CAST: variants seen among roughly 807,000 people sequenced by gnomAD.
The protein encoded by CAST is calpastatin.
Under a neutral mutation model 119.6 loss-of-function variants are expected in CAST, and 76 were observed. That is an observed-to-expected ratio of 0.64 (90% CI 0.53 to 0.77). The LOEUF (loss-of-function observed/expected upper bound fraction) is 0.77. CAST is among the 30% of genes least tolerant of loss of function. The pLI is 0.00. For synonymous variants in CAST, 319 were observed against 331.6 expected (o/e 0.96, Z 0.41); for missense variants, 953 against 946.5 (o/e 1.01, Z -0.09).
chr5:96,459,467 A>C, the CAST span, among the ~76,000 whole-genome samples: 7 of 152,206 alleles, frequency 4.6e-5, no homozygotes, highest in Non-Finnish European at 8.8e-5. Context: ...CATCAAGAGG[A>C]AAATTAATAT....
At chr5:96,259,678 G>C in the CAST span, among the ~76,000 whole-genome samples, 1 of 152,024 alleles carries the variant, frequency 6.6e-6, no homozygotes, top group Non-Finnish European at 1.5e-5. Flanking sequence ...GTGAATTTCT[G>C]TTCTTAAATG....
At chr5:96,294,521 A>T in the CAST span, among the ~76,000 whole-genome samples, 41,765 of 152,112 alleles carry the variant, frequency 0.27, 5,967 homozygotes, top group East Asian at 0.34. Flanking sequence ...GTCTACACAG[A>T]AGAAACACAT....
the CAST span, among the ~76,000 whole-genome samples, chr5:96,505,255 G>T: frequency 6.6e-5 from 10 of 152,278 alleles, no homozygotes; most frequent in East Asian, 1.2e-3. Context: ...CAATCTCAAA[G>T]AATAAATAAA....
the CAST span, among the ~76,000 whole-genome samples, chr5:95,994,071 G>A: frequency 1.3e-5 from 2 of 152,066 alleles, no homozygotes; most frequent in Admixed American, 1.3e-4. Context: ...TTGCAAGTGG[G>A]TCTGCAAAGT....
At chr5:96,311,739 C>CTT in the CAST span, among the ~76,000 whole-genome samples, 46 of 150,920 alleles carry the variant, frequency 3.0e-4, 1 homozygote, top group East Asian at 8.7e-3. Flanking sequence ...AACAAAAATT[C>CTT]TTTTTTTTTC....
the CAST span, among the ~76,000 whole-genome samples, chr5:96,367,806 C>T: frequency 1.3e-4 from 20 of 152,014 alleles, no homozygotes; most frequent in African/African-American, 3.4e-4. Context: ...CTTTGGCTCA[C>T]GCTCGGTGGG....
In CAST at chr5:96,765,282, A is replaced by G. The variant is rs1769460352; in HGVS notation, c.1994A>G (p.Gln665Arg). ...CTCTCTGACAGTCTAGGACAAAGGC[A>G]GCCTGACCCAGATGAGAACAAACCA... is the stretch of plus-strand genomic sequence containing the variant. ...DKLSDSLGQR[Q>R]PDPDENKPME... is the part of the protein sequence containing the mutation. Residue 665 changes from glutamine (Q) to arginine (R), a missense_variant, in exon 26 of 32, where the codon CAG becomes CGG. Transcript: ENST00000675179. 1 of 1,597,298 alleles carries G rather than the reference A, an allele frequency of 6.3e-7. No homozygotes were observed. The highest frequency in any genetic ancestry group is 1.7e-5 in the Admixed American group (1 of 59,332).
At chr5:96,152,278 A>G in the CAST span, among the ~76,000 whole-genome samples, 1 of 152,220 alleles carries the variant, frequency 6.6e-6, no homozygotes, top group Non-Finnish European at 1.5e-5. Flanking sequence ...GAGCAAAAAG[A>G]TGAACTGGTG....
chr5:96,430,498 A>G, the CAST span, among the ~76,000 whole-genome samples: 3 of 152,216 alleles, frequency 2.0e-5, no homozygotes, highest in African/African-American at 4.8e-5. Context: ...GCAGCCGCAG[A>G]AAAAGATCAC....
the CAST span, among the ~76,000 whole-genome samples, chr5:96,050,841 C>T: frequency 7.9e-5 from 12 of 152,134 alleles, no homozygotes; most frequent in South Asian, 2.1e-4. Flanking sequence ...CTGGAGTGTG[C>T]GGAGGAGCGG....
chr5:96,663,038 T>C (rs903842350), intron 1 of CAST: 3 of 697,824 alleles, frequency 4.3e-6, no homozygotes, highest in Non-Finnish European at 7.8e-6. Context: ...GCCAGCCCGG[T>C]CCCGGCCAAG....
At chr5:96,537,844 A>G in intron 1 of CAST, among the ~76,000 whole-genome samples, 1 of 152,246 alleles carries the variant, frequency 6.6e-6, no homozygotes, top group South Asian at 2.1e-4. Flanking sequence ...TAATTTTTAT[A>G]TTTGCTAATG....
At chr5:96,284,650 A>G in the CAST span, among the ~76,000 whole-genome samples, 1 of 152,308 alleles carries the variant, frequency 6.6e-6, no homozygotes, top group Non-Finnish European at 1.5e-5. Flanking sequence ...AAAAGGGCTC[A>G]ATAAATGACA....
chr5:96,769,889 T>C (rs1581447424), intron 29 of CAST: 2 of 150,082 alleles, frequency 1.3e-5, no homozygotes, highest in Middle Eastern at 6.8e-3. Flanking sequence ...ATCCATGTTG[T>C]GACAAATAGT....
rs73774315 is a variant in CAST at position 96,587,719 on chromosome 5, A to G, written c.60+57839A>G. 5.1e-3 allele frequency among the ~76,000 whole-genome samples: 772 copies of G among 152,326 alleles called. 7 individuals are homozygous for G. The highest frequency in any genetic ancestry group is 0.018 in the African/African-American group (745 of 41,580). On this transcript the variant is annotated intron_variant, in intron 1 of 11. Transcript: ENST00000505143. ...TTTTAACTGCAAGAAATGCTCAGTT[A>G]TATTCAAATCAGGAGGAAATGCTGA...
chr5:96,743,105 T>G (rs1209980596), intron 16 of CAST, among the ~76,000 whole-genome samples: 1 of 152,218 alleles, frequency 6.6e-6, no homozygotes, highest in African/African-American at 2.4e-5. Flanking sequence ...TGCTTCTGTT[T>G]ATAAGAGAAG....
chr5:96,730,902 TC>T, intron 9 of CAST, 42 bp downstream of exon 9: 1 of 1,415,890 alleles, frequency 7.1e-7, no homozygotes, highest in Non-Finnish European at 1.0e-6. Context: ...CCTCTGTGCT[TC>T]TCAAGTTTCT....
the CAST span, among the ~76,000 whole-genome samples, chr5:96,447,921 A>C: frequency 6.6e-6 from 1 of 152,054 alleles, no homozygotes; most frequent in Non-Finnish European, 1.5e-5. Flanking sequence ...AAGAAGTAAA[A>C]ACCTGCCCTG....
intron 1 of CAST, among the ~76,000 whole-genome samples, chr5:96,643,741 C>T (rs750246075): frequency 1.6e-4 from 25 of 152,038 alleles, no homozygotes; most frequent in Non-Finnish European, 2.6e-4. Context: ...GGTGTGGTGG[C>T]GCGCACCTGT....
Sources: gnomAD v4.1 joint callset for allele counts (sites outside exome capture counted in the v4.1 genomes callset) on GRCh38, gnomAD v4.1.1 for gene constraint, MANE v1.5 for transcripts, NCBI Gene and HGNC (gene_info 2026-07-23, HGNC 2026-07-21) for gene names.